Variants in GABRA3 observed in about 807,000 individuals in gnomAD.
The protein encoded by GABRA3 is gamma-aminobutyric acid receptor subunit alpha-3.
A neutral mutation model predicts 30.1 loss-of-function variants in GABRA3; 10 were observed. That is an observed-to-expected ratio of 0.33 (90% CI 0.20 to 0.56). GABRA3 has a LOEUF of 0.56. Ranked by LOEUF, GABRA3 falls within the 20% of genes least tolerant of loss-of-function variation. The pLI, the probability that GABRA3 is intolerant of heterozygous loss-of-function variation, is 0.89. For missense variants in GABRA3, 233 were observed against 392.0 expected (o/e 0.59, Z 3.42); for synonymous variants, 151 against 146.8 (o/e 1.03, Z -0.21).
chrX:152,309,785 T>G (rs899772400), intron 3 of GABRA3, among the ~76,000 whole-genome samples: 2 of 111,807 alleles, frequency 1.8e-5, no homozygotes, highest in Non-Finnish European at 3.8e-5. Flanking sequence ...CATATCAACA[T>G]TAACCTTGAA....
intron 7 of GABRA3, among the ~76,000 whole-genome samples, chrX:152,205,626 CT>C (rs1336430060): frequency 9.0e-6 from 1 of 111,451 alleles, no homozygotes; most frequent in Non-Finnish European, 1.9e-5. Context: ...AGGCTTTTCA[CT>C]TTTTTTTAAG....
At chrX:152,275,789 T>C (rs1425395918) in intron 4 of GABRA3, among the ~76,000 whole-genome samples, 1 of 108,511 alleles carries the variant, frequency 9.2e-6, no homozygotes, top group Non-Finnish European at 1.9e-5. Context: ...TATATTTATA[T>C]CCTGTAAATA....
At chrX:152,210,957 C>T (rs1303390251) in intron 6 of GABRA3, among the ~76,000 whole-genome samples, 1 of 111,342 alleles carries the variant, frequency 9.0e-6, no homozygotes, top group Non-Finnish European at 1.9e-5. Context: ...AGTCATAACA[C>T]GGTCTGCGAA....
chrX:152,426,224 C>T (rs1768576093), intron 1 of GABRA3, among the ~76,000 whole-genome samples: 1 of 111,478 alleles, frequency 9.0e-6, no homozygotes, highest in African/African-American at 3.3e-5. Context: ...ATCAGAATAA[C>T]TGCATATGAC....
At chrX:152,364,392 TCA>T (rs1384316232) in intron 2 of GABRA3, 37 bp downstream of exon 2, 25 of 1,173,752 alleles carry the variant, frequency 2.1e-5, no homozygotes, top group Non-Finnish European at 2.9e-5. Context: ...CAAACATTTA[TCA>T]CAGTCTTCTT....
At chrX:152,350,182 T>G (rs903948314) in intron 2 of GABRA3, among the ~76,000 whole-genome samples, 1 of 105,404 alleles carries the variant, frequency 9.5e-6, no homozygotes, top group Non-Finnish European at 1.9e-5. Context: ...ACATGGAAAC[T>G]GAACAACCTG....
intron 5 of GABRA3, among the ~76,000 whole-genome samples, chrX:152,228,096 G>C (rs978250345): frequency 6.3e-5 from 7 of 111,743 alleles, no homozygotes; most frequent in African/African-American, 2.3e-4. Context: ...CACATATGCA[G>C]TTAACCATTG....
intron 3 of GABRA3, among the ~76,000 whole-genome samples, chrX:152,291,577 A>C (rs55982481): frequency 0.21 from 23,449 of 110,771 alleles, 2,284 homozygotes; most frequent in African/African-American, 0.38. Flanking sequence ...AGAGGGCATC[A>C]CTGTCTTGTG....
At chrX:152,247,722 A>G (rs1048671389) in intron 5 of GABRA3, among the ~76,000 whole-genome samples, 2 of 112,003 alleles carry the variant, frequency 1.8e-5, no homozygotes, top group African/African-American at 3.2e-5. Context: ...AAGGACCAGG[A>G]GCAGTCTTAC....
intron 1 of GABRA3, among the ~76,000 whole-genome samples, chrX:152,369,190 T>C (rs758455127): frequency 4.5e-5 from 5 of 111,023 alleles, no homozygotes; most frequent in South Asian, 3.9e-4. Flanking sequence ...ATTAGTGATA[T>C]TGAGAATTTT....
rs368221909 is a variant in GABRA3 at position 152,220,196 on chromosome X, C to G, written c.634+4567G>C. On this transcript the variant is annotated intron_variant, in intron 6 of 9. Coordinates refer to ENST00000370314, the MANE Select transcript of GABRA3 (RefSeq NM_000808.4). Reference sequence around the variant, plus strand: ...GAATTCCAACTTCTTGTTCCTGAATCCCATTGCTTAATCTGTCAGGAATCT... The same window carrying G: ...GAATTCCAACTTCTTGTTCCTGAATGCCATTGCTTAATCTGTCAGGAATCT... Among the ~76,000 whole-genome samples, 27 of 111,581 alleles carry G rather than the reference C, an allele frequency of 2.4e-4. No homozygotes were observed. In the East Asian group the frequency reaches 2.8e-3, roughly 12 times the overall value.
chrX:152,225,424 ACACACACG>A (rs1937928048), intron 5 of GABRA3, among the ~76,000 whole-genome samples: 1 of 13,281 alleles, frequency 7.5e-5, no homozygotes, highest in African/African-American at 2.6e-4. Flanking sequence ...ACACGCACAC[ACACACACG>A]CACACACACA....
At chrX:152,409,576 C>T (rs1930018184) in intron 1 of GABRA3, among the ~76,000 whole-genome samples, 1 of 111,027 alleles carries the variant, frequency 9.0e-6, no homozygotes, top group Non-Finnish European at 1.9e-5. Flanking sequence ...AACAAAGAGG[C>T]CACTTGTAGA....
rs192026579 is a variant in GABRA3 at position 152,328,658 on chromosome X, G to C, written c.262+16923C>G. 3.5e-4 allele frequency among the ~76,000 whole-genome samples: 39 copies of C among 111,603 alleles called. 1 individual carries two copies. Among genetic ancestry groups the C allele is most frequent in the African/African-American group, 1.2e-3 (38 of 30,691 alleles). ...TTGACAATATTCAACAGCCCTTCAT[G>C]CTAAAAACTCCCAATAAACTAGGTA... On this transcript the variant is annotated intron_variant, in intron 3 of 9. Coordinates refer to ENST00000370314, the MANE Select transcript of GABRA3 (RefSeq NM_000808.4).
chrX:152,335,856 A>G (rs1203075746), intron 3 of GABRA3, among the ~76,000 whole-genome samples: 1 of 110,539 alleles, frequency 9.0e-6, no homozygotes, highest in East Asian at 2.9e-4. Flanking sequence ...AGGAGCTGGG[A>G]CTACAGTTGC....
At chrX:152,260,621 ACTGT>A (rs1480082827) in intron 4 of GABRA3, among the ~76,000 whole-genome samples, 10 of 112,014 alleles carry the variant, frequency 8.9e-5, no homozygotes, top group Non-Finnish European at 1.5e-4. Context: ...TCTTCTGGAT[ACTGT>A]CTAAGAACAT....
At chrX:152,207,911 G>T (rs1937586814) in intron 7 of GABRA3, 90 bp downstream of exon 7, 10 of 820,029 alleles carry the variant, frequency 1.2e-5, no homozygotes, top group South Asian at 2.9e-5. Flanking sequence ...ACATTGTTTT[G>T]AAGATTAAGT....
chrX:152,328,585 C>A (rs754731083), intron 3 of GABRA3, among the ~76,000 whole-genome samples: 3 of 111,850 alleles, frequency 2.7e-5, no homozygotes, highest in African/African-American at 9.8e-5. Context: ...ATAAACAGAA[C>A]CAAAGACAAA....
chrX:152,194,516 AT>A (rs1452133893), intron 8 of GABRA3, among the ~76,000 whole-genome samples: 1 of 111,652 alleles, frequency 9.0e-6, no homozygotes. Flanking sequence ...ATGAGCAGAA[AT>A]TTTTAATTTT....
Sources: allele counts gnomAD v4.1 joint callset (sites outside exome capture counted in the v4.1 genomes callset), GRCh38; gene constraint gnomAD v4.1.1; transcripts MANE v1.5; gene names NCBI Gene and HGNC (gene_info 2026-07-23, HGNC 2026-07-21).